ST8SIA6: variants seen among roughly 807,000 people sequenced by gnomAD.
ST8SIA6 encodes the protein alpha-2,8-sialyltransferase 8F.
A neutral mutation model predicts 33.6 loss-of-function variants in ST8SIA6; 39 were observed. That is an observed-to-expected ratio of 1.16 (90% confidence interval 0.90 to 1.52). The LOEUF (loss-of-function observed/expected upper bound fraction) is 1.52, where lower values mean the gene tolerates loss of function less well. Among genes scored for constraint, ST8SIA6 ranks in the 40% most tolerant of loss-of-function variants. The pLI is 0.00. For synonymous variants in ST8SIA6, 172 were observed against 167.2 expected, an observed-to-expected ratio of 1.03 and a Z score of -0.22; for missense variants, 441 against 443.8, an observed-to-expected ratio of 0.99 and a Z score of 0.06.
intron 3 of ST8SIA6, among the ~76,000 whole-genome samples, chr10:17,389,443 A>T (rs142856130): frequency 6.6e-6 from 1 of 152,312 alleles, no homozygotes; most frequent in East Asian, 1.9e-4. Context: ...GGTTACAGGC[A>T]TAACCTCGTG....
At chr10:17,378,050 A>G (rs1588859863) in intron 3 of ST8SIA6, among the ~76,000 whole-genome samples, 1 of 152,310 alleles carries the variant, frequency 6.6e-6, no homozygotes, top group Admixed American at 6.5e-5. Flanking sequence ...GGCTAATTAT[A>G]TAAGCCAGCT....
intron 4 of ST8SIA6, among the ~76,000 whole-genome samples, chr10:17,356,796 A>T (rs1401248489): frequency 1.3e-5 from 2 of 152,084 alleles, no homozygotes; most frequent in Non-Finnish European, 2.9e-5. Context: ...TAAGGTAATA[A>T]TGGCTGTACC....
In ST8SIA6 at chr10:17,390,523, G is replaced by GTA; in HGVS notation, c.290+7_290+8insTA. 1 of 1,603,344 alleles carries GTA rather than the reference G, an allele frequency of 6.2e-7. No individual in the cohort carries two copies. The highest frequency in any genetic ancestry group is 1.1e-5 in the South Asian group (1 of 90,340). ...AAAAGGAAATTAAATGTGAAGAGTA[G>GTA]AACTTACCCTTTCGTTTTGTTAGAG... On this transcript the variant is annotated splice_region_variant and intron_variant, in intron 3 of 7. Transcript: ENST00000377602.
chr10:17,374,071 CCACACACACACACACACA>C (rs58234998), intron 3 of ST8SIA6, among the ~76,000 whole-genome samples: 4 of 139,016 alleles, frequency 2.9e-5, no homozygotes, highest in Non-Finnish European at 6.2e-5. Flanking sequence ...TCAACAACCA[CCACACACACACACACACA>C]CACACACACA....
intron 2 of ST8SIA6, among the ~76,000 whole-genome samples, chr10:17,398,120 A>G (rs1850887798): frequency 1.3e-5 from 2 of 152,182 alleles, no homozygotes; most frequent in African/African-American, 4.8e-5. Flanking sequence ...TGAGGTCAGG[A>G]GTTCAAGCCC....
intron 3 of ST8SIA6, among the ~76,000 whole-genome samples, chr10:17,383,309 G>T (rs1381485960): frequency 6.6e-6 from 1 of 151,976 alleles, no homozygotes; most frequent in African/African-American, 2.4e-5. Context: ...GTTCCCTAAA[G>T]TCCAAAAAAT....
At position 17,317,252 on chromosome 10, in the gene ST8SIA6, T is replaced by A. The variant is rs1377367087; in HGVS notation, c.*3626A>T. The stretch of plus-strand genomic sequence containing the variant: ...CATCTTTATCATATATCACCCACAT[T>A]TTTTTTATAAAAAGAAGAATGCTTC... On this transcript the variant is annotated 3_prime_UTR_variant, in exon 8 of 8. Transcript: ENST00000377602. 6.6e-6 allele frequency among the ~76,000 whole-genome samples: 1 copy of A among 152,070 alleles called. No homozygotes were observed. The highest frequency in any genetic ancestry group is 1.5e-5 in the Non-Finnish European group (1 of 68,006).
chr10:17,385,468 G>A (rs552203081), intron 3 of ST8SIA6, among the ~76,000 whole-genome samples: 9 of 151,316 alleles, frequency 5.9e-5, no homozygotes, highest in Non-Finnish European at 8.8e-5. Context: ...GGAGTGAGTC[G>A]GAAAAAGGAG....
intron 3 of ST8SIA6, among the ~76,000 whole-genome samples, chr10:17,365,282 AT>A (rs1453859381): frequency 1.3e-5 from 2 of 152,240 alleles, no homozygotes; most frequent in Non-Finnish European, 2.9e-5. Context: ...GAAGACCCAC[AT>A]GCTGTGACTA....
chr10:17,412,093 C>A (rs114416239), intron 2 of ST8SIA6, among the ~76,000 whole-genome samples: 3 of 152,034 alleles, frequency 2.0e-5, no homozygotes, highest in Non-Finnish European at 4.4e-5. Flanking sequence ...CTTCTACCCC[C>A]ACTCCAGCTG....
chr10:17,354,443 A>G (rs1166814446), intron 4 of ST8SIA6, among the ~76,000 whole-genome samples: 1 of 152,152 alleles, frequency 6.6e-6, no homozygotes, highest in Non-Finnish European at 1.5e-5. Context: ...AGGAGAATCA[A>G]TCAAGCTTTT....
intron 3 of ST8SIA6, among the ~76,000 whole-genome samples, chr10:17,361,728 C>A (rs1291668886): frequency 3.2e-4 from 44 of 137,362 alleles, no homozygotes; most frequent in African/African-American, 9.8e-4. Context: ...AAAAAAAAAA[C>A]CGGGCAGGCC....
At chr10:17,372,494 A>C (rs974684122) in intron 3 of ST8SIA6, among the ~76,000 whole-genome samples, 1 of 152,196 alleles carries the variant, frequency 6.6e-6, no homozygotes, top group African/African-American at 2.4e-5. Context: ...CTGCAAGCCA[A>C]CCTCAGAGCT....
intron 3 of ST8SIA6, among the ~76,000 whole-genome samples, chr10:17,361,713 A>G (rs1356199696): frequency 3.5e-4 from 31 of 88,156 alleles, no homozygotes; most frequent in Middle Eastern, 5.4e-3. Flanking sequence ...AGACATTGGG[A>G]AAAAAAAAAA....
chr10:17,329,562 G>C (rs1049692680), intron 5 of ST8SIA6, among the ~76,000 whole-genome samples: 4 of 152,108 alleles, frequency 2.6e-5, no homozygotes, highest in African/African-American at 9.7e-5. Flanking sequence ...CTACTAAATG[G>C]TGCCACCATA....
At chr10:17,323,229 G>GCGCACGTACACA in intron 6 of ST8SIA6, 72 bp from the exon 7 acceptor site, 1 of 793,956 alleles carries the variant, frequency 1.3e-6, no homozygotes, top group Non-Finnish European at 2.1e-6. Flanking sequence ...ACATATGCGC[G>GCGCACGTACACA]CACACACACA....
At chr10:17,324,006 G>A (rs555197261) in intron 6 of ST8SIA6, among the ~76,000 whole-genome samples, 3 of 152,084 alleles carry the variant, frequency 2.0e-5, no homozygotes, top group Non-Finnish European at 4.4e-5. Context: ...AAATCCTAAT[G>A]TTCTTATAGT....
intron 4 of ST8SIA6, among the ~76,000 whole-genome samples, chr10:17,342,606 T>C (rs981404500): frequency 2.0e-5 from 3 of 152,152 alleles, no homozygotes; most frequent in Admixed American, 2.0e-4. Context: ...ATGAAACAAG[T>C]AATTTTAAAG....
At chr10:17,390,434 A>T in intron 3 of ST8SIA6, 97 bp downstream of exon 3, 4 of 1,022,682 alleles carry the variant, frequency 3.9e-6, no homozygotes, top group Non-Finnish European at 5.9e-6. Context: ...GAGAGTGAAC[A>T]GTCTCATATT....
Sources: gnomAD v4.1 joint callset for allele counts (sites outside exome capture counted in the v4.1 genomes callset) on GRCh38, gnomAD v4.1.1 for gene constraint, MANE v1.5 for transcripts, NCBI Gene and HGNC (gene_info 2026-07-23, HGNC 2026-07-21) for gene names.